Variants in MYH1 observed in about 807,000 individuals in gnomAD.
MYH1 encodes the protein myosin heavy chain 1, also known as myosin-1.
Under a neutral mutation model 225.6 loss-of-function variants are expected in MYH1, and 214 were observed. The ratio of observed to expected loss-of-function variants is 0.95; its 90% CI spans 0.85 to 1.06. MYH1 has a LOEUF of 1.06. Among genes scored for constraint, MYH1 ranks in the 50% least tolerant of loss-of-function variants. The pLI, the probability that MYH1 is intolerant of heterozygous loss-of-function variation, is 0.00. For missense variants in MYH1, 2,098 were observed against 2,344.2 expected (o/e 0.89, Z 2.17); for synonymous variants, 774 against 842.3 (o/e 0.92, Z 1.40).
rs141906658 is a variant in MYH1 at position 10,497,149 on chromosome 17, G to T, written c.4576C>A (p.Arg1526Ser). ...TTTATTTTTTCCAGTTCATGGATGC[G>T]CTTTCCTCCTTCTGCAATCTGTTCA... ...LTEQIAEGGK[R>S]IHELEKIKKQ... Residue 1526 changes from arginine to serine, a missense_variant, in exon 33 of 40, where the codon CGC becomes AGC. Coordinates refer to ENST00000226207, the MANE Select transcript of MYH1 (RefSeq NM_005963.4). 2,330 of 1,613,968 alleles carry T rather than the reference G, an allele frequency of 1.4e-3. 71 individuals carry two copies. The Admixed American group carries it at 0.037, about 26-fold the overall frequency.
Position 10,495,003 on chromosome 17 carries a change from C to A in MYH1, c.5394G>T (p.Gln1798His), listed in dbSNP as rs1397303939. ...GCTGCTCAGCCTCATCCAGACGATG[C>A]TGCAGGTCCTTCACCGTCTGTTCCA... ...KNLEQTVKDL[Q>H]HRLDEAEQLA... Residue 1798 changes from glutamine to histidine, a missense_variant, in exon 37 of 40, where the codon CAG (glutamine) becomes CAT (histidine). Coordinates refer to ENST00000226207, the MANE Select transcript of MYH1 (RefSeq NM_005963.4). 1.9e-6 allele frequency: 3 copies of A among 1,614,228 alleles called. No individual in the cohort carries two copies. The highest frequency in any genetic ancestry group is 2.5e-6 in the Non-Finnish European group (3 of 1,180,042).
At chr17:10,496,214 C>G in intron 34 of MYH1, 27 bp downstream of exon 34, 1 of 1,614,146 alleles carries the variant, frequency 6.2e-7, no homozygotes, top group Non-Finnish European at 8.5e-7. Context: ...CCCAATTGTC[C>G]TGGGATCATC....
At chr17:10,510,740 C>G (rs1346958089) in intron 14 of MYH1, among the ~76,000 whole-genome samples, 4 of 152,034 alleles carry the variant, frequency 2.6e-5, no homozygotes, top group Admixed American at 2.6e-4. Context: ...ATGTCCAGAA[C>G]AGCCAAAACC....
intron 24 of MYH1, 72 bp downstream of exon 24, chr17:10,502,666 A>G: frequency 1.9e-6 from 3 of 1,608,074 alleles, no homozygotes; most frequent in Non-Finnish European, 2.6e-6. Flanking sequence ...CTATATCATA[A>G]CGACACAAAC....
Position 10,501,110 on chromosome 17 carries a change from C to A in MYH1, c.3738G>T (p.Lys1246Asn), listed in dbSNP as rs754756462. Residue 1246 changes from lysine (K) to asparagine (N), a missense_variant and splice_region_variant, in exon 27 of 40, where the codon AAG becomes AAT. By Grantham distance (94) the Lys-to-Asn change is moderately conservative. Coordinates refer to ENST00000226207, the MANE Select transcript of MYH1 (RefSeq NM_005963.4). ...AATCAATGTGAAGTGTTGATTGTAC[C>A]TTGGCTTTGGAGACAGTCTCCATGT... ...ASNMETVSKA[K>N]GNLEKMCRAL... 6 of 1,613,372 alleles carry A rather than the reference C, an allele frequency of 3.7e-6. No homozygotes were observed. In the South Asian group the frequency reaches 6.6e-5, roughly 18 times the overall value.
At chr17:10,500,267 C>T (rs2073037454) in intron 28 of MYH1, among the ~76,000 whole-genome samples, 1 of 151,922 alleles carries the variant, frequency 6.6e-6, no homozygotes, top group Non-Finnish European at 1.5e-5. Context: ...TGTAAGGATG[C>T]ACTTTGTTTT....
At position 10,494,920 on chromosome 17, in the gene MYH1, A is replaced by G. The variant is rs757348612; in HGVS notation, c.5466+11T>C. On this transcript the variant is annotated intron_variant, in intron 37 of 39. Transcript: ENST00000226207. ...AATGAGATAGAAATACATGCTGATTAGGAGACCCACCCTGGCCTCCAGTTT... is the reference window on the plus strand; with the variant it reads ...AATGAGATAGAAATACATGCTGATTGGGAGACCCACCCTGGCCTCCAGTTT... The G allele has an allele frequency of 6.2e-7, 1 of 1,614,118 alleles. No individual in the cohort carries two copies. Among genetic ancestry groups the G allele is most frequent in the East Asian group, 2.2e-5 (1 of 44,876 alleles).
chr17:10,508,982 C>T (rs2073145830), intron 15 of MYH1, among the ~76,000 whole-genome samples: 2 of 152,152 alleles, frequency 1.3e-5, no homozygotes, highest in African/African-American at 2.4e-5. Context: ...TGCGAATTAG[C>T]TGCATCAGAA....
chr17:10,495,885 A>G, intron 35 of MYH1, 65 bp downstream of exon 35: 2 of 1,593,718 alleles, frequency 1.3e-6, no homozygotes, highest in South Asian at 2.2e-5. Context: ...TAATAGTACC[A>G]CGATTTCAGC....
At position 10,497,049 on chromosome 17, in the gene MYH1, G is replaced by C. The variant is rs751306741; in HGVS notation, c.4656+20C>G. 1.4e-5 allele frequency: 23 copies of C among 1,609,040 alleles called. No homozygotes were observed. In the South Asian group the frequency reaches 1.5e-4, roughly 11 times the overall value. On this transcript the variant is annotated intron_variant, in intron 33 of 39. Transcript: ENST00000226207. The stretch of plus-strand genomic sequence containing the variant: ...CAATTCCTCTTCTAATTGTTTTAGA[G>C]TATGCAATAAAATGCTTACCTCTGC...
In MYH1 at chr17:10,501,099, G is replaced by T. The variant is rs201295133; in HGVS notation, c.3738+11C>A. 3.7e-6 allele frequency: 6 copies of T among 1,612,432 alleles called. No individual in the cohort carries two copies. The Admixed American group carries it at 1.0e-4, about 27-fold the overall frequency. ...AAAAACCAAATAATCAATGTGAAGTGTTGATTGTACCTTGGCTTTGGAGAC... is the reference window on the plus strand; with the variant it reads ...AAAAACCAAATAATCAATGTGAAGTTTTGATTGTACCTTGGCTTTGGAGAC... On this transcript the variant is annotated intron_variant, in intron 27 of 39. Coordinates refer to ENST00000226207, the MANE Select transcript of MYH1 (RefSeq NM_005963.4).
At position 10,501,666 on chromosome 17, in the gene MYH1, G is replaced by A. The variant is rs371969999; in HGVS notation, c.3276C>T (p.Ser1092=). ...CATCTTCAATCTTGCTTTGCAGACC[G>A]CTCATTTCAAACTCTTTCCTATTAG... The part of the protein sequence containing the change: ...EKLKKKEFEM[S]GLQSKIEDEQ... Residue 1092 remains serine (S), a synonymous_variant, in exon 26 of 40, where the codon AGC becomes AGT. Transcript: ENST00000226207. The A allele has an allele frequency of 3.1e-6, 5 of 1,614,116 alleles. No individual in the cohort carries two copies. Among genetic ancestry groups the A allele is most frequent in the African/African-American group, 1.3e-5 (1 of 75,044 alleles).
In MYH1 at chr17:10,494,621, G is replaced by A; in HGVS notation, c.5519C>T (p.Ala1840Val). 1 of 1,614,094 alleles carries A rather than the reference G, an allele frequency of 6.2e-7. No homozygotes were observed. The highest frequency in any genetic ancestry group is 1.7e-5 in the Admixed American group (1 of 60,016). The change falls in exon 38 of 40, where the codon GCT becomes GTT. Residue 1840 changes from alanine to valine, a missense_variant. Physicochemically the swap from Ala to Val is moderately conservative, Grantham distance 64 (BLOSUM62 0). Coordinates refer to ENST00000226207, the MANE Select transcript of MYH1 (RefSeq NM_005963.4). The part of the protein sequence containing the change: ...VESEQKRNVE[A>V]VKGLRKHERK... ...CTCATGTTTGCGTAGACCCTTGACAGCTTCAACATTGCGCTTCTGTTCACT... is the reference window on the plus strand; with the variant it reads ...CTCATGTTTGCGTAGACCCTTGACAACTTCAACATTGCGCTTCTGTTCACT...
chr17:10,496,024 T>C lies in MYH1; in HGVS notation c.5095A>G (p.Thr1699Ala), dbSNP rs1169348766. 6.2e-7 allele frequency: 1 copy of C among 1,614,066 alleles called. No individual in the cohort carries two copies. The highest frequency in any genetic ancestry group is 8.5e-7 in the Non-Finnish European group (1 of 1,180,012). ...TCTGCGATTTTCCTGCTCCTCTCTG[T>C]CTGTTCCAGAGTGGCCCGCAGCTCC... ...IEELRATLEQ[T>A]ERSRKIAEQE... Residue 1699 changes from threonine to alanine, a missense_variant, in exon 35 of 40, where the codon ACA (threonine) becomes GCA (alanine). Thr to Ala is a moderately conservative substitution (Grantham distance 58). Coordinates refer to ENST00000226207, the MANE Select transcript of MYH1 (RefSeq NM_005963.4).
intron 14 of MYH1, 33 bp downstream of exon 14, chr17:10,511,806 A>G (rs550926070): frequency 6.2e-7 from 1 of 1,613,952 alleles, no homozygotes; most frequent in East Asian, 2.2e-5. Flanking sequence ...GCTTGTTGGA[A>G]ACTTTTTTGG....
rs1347802996 is a variant in MYH1 at position 10,516,532 on chromosome 17, T to G, written c.111A>C (p.Ser37=). The G allele has an allele frequency of 6.2e-7, 1 of 1,614,228 alleles. No individual in the cohort carries two copies. The change falls in exon 3 of 40, where the codon TCA becomes TCC. Residue 37 remains serine (S), a synonymous_variant. Transcript: ENST00000226207. ...AQNKPFDAKT[S]VFVVDPKESF... is the part of the protein sequence containing the mutation. Reference sequence around the variant, plus strand: ...ACTCCTTAGGGTCCACCACAAAGACTGATGTCTTGGCATCAAAAGGCTTGT... The same window carrying G: ...ACTCCTTAGGGTCCACCACAAAGACGGATGTCTTGGCATCAAAAGGCTTGT...
At chr17:10,512,650 G>A in intron 11 of MYH1, 31 bp downstream of exon 11, 12 of 1,609,882 alleles carry the variant, frequency 7.5e-6, no homozygotes, top group Non-Finnish European at 1.0e-5. Context: ...ATGCATAATG[G>A]ATTTTAAATT....
At chr17:10,510,829 G>A (rs1322878158) in intron 14 of MYH1, among the ~76,000 whole-genome samples, 1 of 151,966 alleles carries the variant, frequency 6.6e-6, no homozygotes, top group Non-Finnish European at 1.5e-5. Flanking sequence ...TGATGAAAAT[G>A]TTCTGAAATT....
chr17:10,516,552 G>A lies in MYH1; in HGVS notation c.91C>T (p.Pro31Ser). The A allele has an allele frequency of 6.2e-7, 1 of 1,614,160 alleles. No individual in the cohort carries two copies. The highest frequency in any genetic ancestry group is 8.5e-7 in the Non-Finnish European group (1 of 1,180,042). The change falls in exon 3 of 40, where the codon CCT becomes TCT. Residue 31 changes from proline (P) to serine (S), a missense_variant. Pro to Ser is a moderately conservative substitution (Grantham distance 74). Transcript: ENST00000226207. ...AAGACTGATGTCTTGGCATCAAAAG[G>A]CTTGTTCTGGGCTTCAATTCGCTCC... ...ERERIEAQNK[P>S]FDAKTSVFVV... is the part of the protein sequence containing the mutation.
Sources: gnomAD v4.1 joint callset for allele counts (sites outside exome capture counted in the v4.1 genomes callset) on GRCh38, gnomAD v4.1.1 for gene constraint, MANE v1.5 for transcripts, NCBI Gene and HGNC (gene_info 2026-07-23, HGNC 2026-07-21) for gene names.